Variants in EBF2 observed in about 807,000 individuals in gnomAD.
EBF2 encodes the protein transcription factor COE2.
In EBF2, 21 loss-of-function variants were observed where a neutral mutation model predicts 72.8. That is an observed-to-expected ratio of 0.29 (90% CI 0.20 to 0.42). EBF2 has a LOEUF of 0.42. Among genes scored for constraint, EBF2 ranks in the 10% least tolerant of loss-of-function variants. The pLI, the probability that EBF2 is intolerant of heterozygous loss-of-function variation, is 1.00. For missense variants in EBF2, 637 were observed against 731.2 expected, an observed-to-expected ratio of 0.87 and a Z score of 1.49; for synonymous variants, 299 against 274.2, an observed-to-expected ratio of 1.09 and a Z score of -0.89.
intron 6 of EBF2, among the ~76,000 whole-genome samples, chr8:25,949,649 G>A (rs1803826429): frequency 6.6e-6 from 1 of 152,094 alleles, no homozygotes; most frequent in Non-Finnish European, 1.5e-5. Context: ...TATGAATGAG[G>A]TTTCCAAATC....
At chr8:25,923,216 A>G (rs755085914) in intron 6 of EBF2, among the ~76,000 whole-genome samples, 7 of 152,220 alleles carry the variant, frequency 4.6e-5, no homozygotes, top group Non-Finnish European at 8.8e-5. Context: ...TCTCCCTGGC[A>G]AGCCCATAGG....
intron 10 of EBF2, among the ~76,000 whole-genome samples, chr8:25,882,527 G>A (rs1481146014): frequency 1.3e-5 from 2 of 152,016 alleles, no homozygotes; most frequent in Non-Finnish European, 2.9e-5. Flanking sequence ...ATTTGACCGT[G>A]GAAATCAGTA....
chr8:26,024,087 C>T (rs573170751), intron 6 of EBF2, among the ~76,000 whole-genome samples: 11 of 152,180 alleles, frequency 7.2e-5, no homozygotes, highest in South Asian at 4.1e-4. Flanking sequence ...TACTGTCTCT[C>T]GTCACATGTA....
At chr8:25,905,328 T>C (rs1289950307) in intron 7 of EBF2, among the ~76,000 whole-genome samples, 1 of 152,206 alleles carries the variant, frequency 6.6e-6, no homozygotes, top group Non-Finnish European at 1.5e-5. Flanking sequence ...CCAGAAATTC[T>C]GTTCTTAGTT....
Position 25,947,044 on chromosome 8 carries a change from T to G in EBF2, c.552-38489A>C, listed in dbSNP as rs528258341. Among the ~76,000 whole-genome samples the G allele has an allele frequency of 2.0e-4, 30 of 152,270 alleles. No homozygotes were observed. The South Asian group carries it at 6.0e-3, about 31-fold the overall frequency. ...TTCTTGCCTGAATTACTGATAATGG[T>G]CCCCTAGTTTTTTTGTCCTGCCTCC... On this transcript the variant is annotated intron_variant, in intron 6 of 15. Transcript: ENST00000520164.
chr8:25,887,903 A>T lies in EBF2; in HGVS notation c.821T>A (p.Ile274Asn). 1 of 1,613,822 alleles carries T rather than the reference A, an allele frequency of 6.2e-7. No individual in the cohort carries two copies. Among genetic ancestry groups the T allele is most frequent in the Non-Finnish European group, 8.5e-7 (1 of 1,179,850 alleles). ...WTTGGAMVII[I>N]GDNFFDGLQV... is the part of the protein sequence containing the mutation. ...GAGACCATCAAAGAAGTTGTCCCCG[A>T]TGATGATGACCATGGCTCCTCCTGT... The change falls in exon 9 of 16, where the codon ATC becomes AAC. Residue 274 changes from isoleucine to asparagine, a missense_variant. Ile to Asn is a moderately radical substitution (Grantham distance 149, BLOSUM62 -3). This residue lies in a region of EBF2 where 204 missense variants were observed against 301.2 expected (regional missense o/e 0.68). Coordinates refer to ENST00000520164, the MANE Select transcript of EBF2 (RefSeq NM_022659.4).
At chr8:25,954,949 G>C (rs1249906166) in intron 6 of EBF2, among the ~76,000 whole-genome samples, 2 of 152,232 alleles carry the variant, frequency 1.3e-5, no homozygotes, top group Non-Finnish European at 2.9e-5. Context: ...GCTGGCTAGG[G>C]ACCTGGGGTC....
intron 7 of EBF2, among the ~76,000 whole-genome samples, chr8:25,898,980 C>A (rs1802902212): frequency 6.6e-6 from 1 of 152,162 alleles, no homozygotes; most frequent in African/African-American, 2.4e-5. Context: ...TCTGACATAT[C>A]CTCTCCCAAA....
At chr8:26,010,841 G>A (rs1432253015) in intron 6 of EBF2, among the ~76,000 whole-genome samples, 1 of 152,114 alleles carries the variant, frequency 6.6e-6, no homozygotes, top group African/African-American at 2.4e-5. Flanking sequence ...CTTCATCACC[G>A]AGCGTTCCAT....
At chr8:25,982,112 A>C (rs995203541) in intron 6 of EBF2, among the ~76,000 whole-genome samples, 3 of 152,074 alleles carry the variant, frequency 2.0e-5, no homozygotes, top group Non-Finnish European at 4.4e-5. Context: ...TAGAGTTTGG[A>C]TTGGGATGGG....
intron 6 of EBF2, among the ~76,000 whole-genome samples, chr8:26,027,000 G>T (rs1805311569): frequency 6.6e-6 from 1 of 151,980 alleles, no homozygotes; most frequent in African/African-American, 2.4e-5. Context: ...TGTTATTATT[G>T]GTTTTATCTA....
chr8:25,900,347 T>TA (rs1802931557), intron 7 of EBF2, among the ~76,000 whole-genome samples: 1 of 152,134 alleles, frequency 6.6e-6, no homozygotes. Flanking sequence ...TAGTCCCAGC[T>TA]ACTTGGGAGA....
At chr8:25,945,963 G>C (rs1313509881) in intron 6 of EBF2, among the ~76,000 whole-genome samples, 1 of 152,106 alleles carries the variant, frequency 6.6e-6, no homozygotes, top group African/African-American at 2.4e-5. Flanking sequence ...GAACTGGAAG[G>C]ACTCTCCAGG....
At chr8:25,888,197 A>G (rs1288360501) in intron 8 of EBF2, among the ~76,000 whole-genome samples, 1 of 152,230 alleles carries the variant, frequency 6.6e-6, no homozygotes, top group Admixed American at 6.5e-5. Context: ...CCTTCAAAGG[A>G]TTGGACACAC....
chr8:25,841,922 G>T lies in EBF2; in HGVS notation c.*2687C>A, dbSNP rs946387624. The stretch of plus-strand genomic sequence containing the variant: ...AACTGACAAAGCAAAACAATAAAAT[G>T]AAACTATACAGTGTGAAAATGAAAC... On this transcript the variant is annotated 3_prime_UTR_variant, in exon 16 of 16. Coordinates refer to ENST00000520164, the MANE Select transcript of EBF2 (RefSeq NM_022659.4). The T allele has an allele frequency of 1.3e-5, 2 of 152,096 alleles. No individual in the cohort carries two copies. The highest frequency in any genetic ancestry group is 4.8e-5 in the African/African-American group (2 of 41,444). The allele number at this position is 152,096 out of a possible 1,614,324, so 9.4% of individuals were successfully genotyped here.
chr8:25,888,692 C>T (rs1802731034), intron 8 of EBF2, among the ~76,000 whole-genome samples: 1 of 152,190 alleles, frequency 6.6e-6, no homozygotes, highest in African/African-American at 2.4e-5. Context: ...CCACTTCTTC[C>T]ATATGCTCCA....
chr8:25,878,382 C>T (rs1363320352), intron 10 of EBF2, among the ~76,000 whole-genome samples: 2 of 152,166 alleles, frequency 1.3e-5, no homozygotes, highest in Non-Finnish European at 2.9e-5. Flanking sequence ...TTGTCTTTCT[C>T]CTCCTAGGGA....
At chr8:26,014,394 G>T (rs1265992564) in intron 6 of EBF2, among the ~76,000 whole-genome samples, 1 of 152,042 alleles carries the variant, frequency 6.6e-6, no homozygotes. Flanking sequence ...TATTTTGGTG[G>T]AGACTTTTTG....
intron 14 of EBF2, among the ~76,000 whole-genome samples, chr8:25,855,136 A>G (rs1186060652): frequency 6.6e-6 from 1 of 152,202 alleles, no homozygotes; most frequent in Non-Finnish European, 1.5e-5. Context: ...TGGCCCAGAA[A>G]TCTCTGTGAA....
Sources: allele counts gnomAD v4.1 joint callset (sites outside exome capture counted in the v4.1 genomes callset), GRCh38; gene constraint gnomAD v4.1.1; regional missense constraint gnomAD v4.1.1; transcripts MANE v1.5; gene names NCBI Gene and HGNC (gene_info 2026-07-23, HGNC 2026-07-21).